Variants in HCN2 observed in about 807,000 individuals in gnomAD.
HCN2 encodes hyperpolarization activated cyclic nucleotide gated potassium and sodium channel 2.
Under a neutral mutation model 52.3 loss-of-function variants are expected in HCN2, and 20 were observed. The ratio of observed to expected loss-of-function variants is 0.38; its 90% CI spans 0.27 to 0.56. The LOEUF (loss-of-function observed/expected upper bound fraction) is 0.56, where lower values mean the gene tolerates loss of function less well. Among genes scored for constraint, HCN2 ranks in the 20% least tolerant of loss-of-function variants. The pLI is 0.71. For synonymous variants in HCN2, 694 were observed against 537.0 expected (o/e 1.29, Z -4.04); for missense variants, 981 against 1,207.7 (o/e 0.81, Z 2.78).
At chr19:593,496 T>C (rs1178415661) in intron 1 of HCN2, among the ~76,000 whole-genome samples, 1 of 152,186 alleles carries the variant, frequency 6.6e-6, no homozygotes, top group African/African-American at 2.4e-5. Context: ...GACGAGCGCC[T>C]GTAATCCCAG....
At chr19:599,847 CGT>C (rs34793549) in intron 1 of HCN2, among the ~76,000 whole-genome samples, 7,712 of 133,154 alleles carry the variant, frequency 0.058, 243 homozygotes, top group African/African-American at 0.098. Context: ...GAAGGGGTCC[CGT>C]GTGTGTGTGT....
Position 590,111 on chromosome 19 carries a change from C to A in HCN2, c.166C>A (p.Pro56Thr). Residue 56 changes from proline to threonine, a missense_variant, in exon 1 of 8, where the codon CCC becomes ACC. Physicochemically the swap from Pro to Thr is conservative, Grantham distance 38. Transcript: ENST00000251287. The surrounding 1 kb of genome is among the most constrained non-coding windows in gnomAD (Gnocchi z 7.2). ...GPGPAPPQHP[P>T]RAEALPPEAA... ...CGGGCCCGCGCCCCCCCAGCACCCG[C>A]CCCGGGCCGAGGCGTTGCCCCCGGA... 4.7e-6 allele frequency: 4 copies of A among 848,698 alleles called. No homozygotes were observed. Among genetic ancestry groups the A allele is most frequent in the Non-Finnish European group, 5.6e-6 (4 of 710,028 alleles). 52.6% of individuals were successfully genotyped at this position (848,698 alleles called of 1,614,324 possible).
chr19:607,684 G>A (rs1352832249), intron 3 of HCN2, among the ~76,000 whole-genome samples: 1 of 152,218 alleles, frequency 6.6e-6, no homozygotes, highest in East Asian at 1.9e-4. Context: ...TGATCTCAGA[G>A]GCTGCAAAAG....
Position 605,045 on chromosome 19 carries a change from C to T in HCN2, c.1057-16C>T, listed in dbSNP as rs371106197. The T allele has an allele frequency of 4.1e-5, 66 of 1,604,530 alleles. No homozygotes were observed. The African/African-American group carries it at 8.2e-4, about 20-fold the overall frequency. On this transcript the variant is annotated splice_polypyrimidine_tract_variant and intron_variant, in intron 2 of 7. Transcript: ENST00000251287. ...GGGGTCAGCGGGTAGGGTGGGCTCA[C>T]GGCGCCTTCCTGCAGATCTTCCACA... is the stretch of plus-strand genomic sequence containing the variant.
intron 7 of HCN2, among the ~76,000 whole-genome samples, chr19:614,710 A>T (rs1436815873): frequency 6.6e-6 from 1 of 151,694 alleles, no homozygotes; most frequent in Non-Finnish European, 1.5e-5. Context: ...AATCAGGAGC[A>T]TCAGGGAGCC....
rs1568368755 is a variant in HCN2, at chr19:613,642, GATGGGGATGGGGAT to G, written c.1825+155_1825+168del. On this transcript the variant is annotated intron_variant, in intron 6 of 7. Transcript: ENST00000251287. Reference sequence around the variant, plus strand: ...GGATGGGGATGGGGATGGGGCCGGGGATGGGGATGGGGATGGGGCCGGGGATGGGGATGGGGCCG... The same window carrying G: ...GGATGGGGATGGGGATGGGGCCGGGGGGGGCCGGGGATGGGGATGGGGCCG... Among the ~76,000 whole-genome samples, 132 of 60,650 alleles carry G rather than the reference GATGGGGATGGGGAT, an allele frequency of 2.2e-3. 5 individuals carry two copies. Among genetic ancestry groups the G allele is most frequent in the African/African-American group, 0.01 (123 of 11,904 alleles). The allele number at this position is 60,650 out of a possible 152,430, so 39.8% of individuals were successfully genotyped here. A position where few individuals can be genotyped will look rare whatever the true frequency, so the allele number is the denominator to read the frequency against.
chr19:600,563 T>G (rs2144511766), intron 1 of HCN2, among the ~76,000 whole-genome samples: 1 of 152,126 alleles, frequency 6.6e-6, no homozygotes, highest in East Asian at 1.9e-4. Context: ...GCCAGGCTGG[T>G]CCTGATCTCT....
rs761681143 is a variant in HCN2 at position 616,420 on chromosome 19, C to T, written c.2616C>T (p.Ala872=). Residue 872 remains alanine, a synonymous_variant, in exon 8 of 8, where the codon GCC becomes GCT. Transcript: ENST00000251287. ...GGGACTCGGCCTCACCCGGCGCCGCCGGCGGCCTGGACCCCCAGGACTCCG... is the reference window on the plus strand; with the variant it reads ...GGGACTCGGCCTCACCCGGCGCCGCTGGCGGCCTGGACCCCCAGGACTCCG... The part of the protein sequence containing the change: ...DRRDSASPGA[A]GGLDPQDSAR... 3.5e-5 allele frequency: 44 copies of T among 1,241,472 alleles called. No homozygotes were observed. The highest frequency in any genetic ancestry group is 4.2e-5 in the Non-Finnish European group (42 of 990,326). 76.9% of individuals were successfully genotyped at this position (1,241,472 alleles called of 1,614,324 possible). A position where few individuals can be genotyped will look rare whatever the true frequency, so the allele number is the denominator to read the frequency against.
At chr19:615,553 G>A (rs896891076) in intron 7 of HCN2, among the ~76,000 whole-genome samples, 1 of 152,240 alleles carries the variant, frequency 6.6e-6, no homozygotes, top group Non-Finnish European at 1.5e-5. Flanking sequence ...TCTGTATGCA[G>A]GTGCTTCATG....
chr19:609,497 G>A (rs1244513330), intron 4 of HCN2, among the ~76,000 whole-genome samples: 2 of 152,244 alleles, frequency 1.3e-5, no homozygotes, highest in Non-Finnish European at 2.9e-5. Flanking sequence ...CTGGTGCAGT[G>A]GCTCCTGCCT....
At position 617,153 on chromosome 19, in the gene HCN2, G is replaced by A. The variant is rs538185801; in HGVS notation, c.*679G>A. 2,134 of 1,044,208 alleles carry A rather than the reference G, an allele frequency of 2.0e-3. 6 individuals are homozygous for A. The highest frequency in any genetic ancestry group is 2.7e-3 in the Non-Finnish European group (1,874 of 694,234). The allele number at this position is 1,044,208 out of a possible 1,614,324, so 64.7% of individuals were successfully genotyped here. A position where few individuals can be genotyped will look rare whatever the true frequency, so the allele number is the denominator to read the frequency against. Reference sequence around the variant, plus strand: ...TTCCGCGCAATAAACGACAGCATTGGCGCCAAGCCTGGCCGCGTGTGATTG... The same window carrying A: ...TTCCGCGCAATAAACGACAGCATTGACGCCAAGCCTGGCCGCGTGTGATTG... On this transcript the variant is annotated 3_prime_UTR_variant, in exon 8 of 8. Coordinates refer to ENST00000251287, the MANE Select transcript of HCN2 (RefSeq NM_001194.4).
rs1184713061 is a variant in HCN2, at chr19:590,046, A to AGCC, written c.120_122dup (p.Pro41dup). ...CCGCCGCCCGCGCCCCCCCAACAGC[A>AGCC]GCCGCCGCCGCCGCCGCCGCCCGCG... On this transcript the variant is annotated inframe_insertion, in exon 1 of 8. Coordinates refer to ENST00000251287, the MANE Select transcript of HCN2 (RefSeq NM_001194.4). This position sits in a 1 kb window ranked among gnomAD's most constrained non-coding sequence, Gnocchi z 7.2. The AGCC allele has an allele frequency of 6.0e-5, 34 of 562,566 alleles. No homozygotes were observed. The highest frequency in any genetic ancestry group is 8.3e-5 in the South Asian group (1 of 12,082). The allele number at this position is 562,566 out of a possible 1,614,324, so 34.8% of individuals were successfully genotyped here.
Position 610,341 on chromosome 19 carries a change from G to A in HCN2, c.1520G>A (p.Arg507His), listed in dbSNP as rs948679757. ...RQKIHDYYEH[R>H]YQGKMFDEDS... ...AAGATCCACGACTACTATGAGCACC[G>A]TTACCAGGGCAAGATGTTTGACGAG... The change falls in exon 5 of 8, where the codon CGT becomes CAT. Residue 507 changes from arginine (R) to histidine (H), a missense_variant. By Grantham distance (29) the Arg-to-His change is conservative (BLOSUM62 0). Coordinates refer to ENST00000251287, the MANE Select transcript of HCN2 (RefSeq NM_001194.4). 1.9e-6 allele frequency: 3 copies of A among 1,613,808 alleles called. No homozygotes were observed. The highest frequency in any genetic ancestry group is 2.5e-6 in the Non-Finnish European group (3 of 1,179,798).
At chr19:593,355 G>A (rs1176628180) in intron 1 of HCN2, among the ~76,000 whole-genome samples, 1 of 152,218 alleles carries the variant, frequency 6.6e-6, no homozygotes, top group Non-Finnish European at 1.5e-5. Context: ...AGCGGCTCAC[G>A]CCTGAGATCC....
chr19:611,477 G>A (rs543293240), intron 5 of HCN2, among the ~76,000 whole-genome samples: 17 of 152,302 alleles, frequency 1.1e-4, no homozygotes, highest in African/African-American at 1.9e-4. Flanking sequence ...GCGAGGAGGC[G>A]GGCAGGACGG....
At position 616,494 on chromosome 19, in the gene HCN2, G is replaced by C. The variant is rs987654819; in HGVS notation, c.*20G>C. ...TTGTGACCCTCGCCGACCGCCCCGC[G>C]GGCCCAGGCGGGCCGGGGGCGGGGC... On this transcript the variant is annotated 3_prime_UTR_variant, in exon 8 of 8. Coordinates refer to ENST00000251287, the MANE Select transcript of HCN2 (RefSeq NM_001194.4). The C allele has an allele frequency of 4.2e-6, 5 of 1,204,104 alleles. No individual in the cohort carries two copies. The Admixed American group carries it at 1.9e-4, about 46-fold the overall frequency. 74.6% of individuals were successfully genotyped at this position (1,204,104 alleles called of 1,614,324 possible).
At chr19:596,451 C>A (rs1009075192) in intron 1 of HCN2, among the ~76,000 whole-genome samples, 2 of 152,228 alleles carry the variant, frequency 1.3e-5, no homozygotes, top group Admixed American at 6.5e-5. Context: ...TCCCGGCCTC[C>A]GGAGCTGGTC....
chr19:617,068 A>G lies in HCN2; in HGVS notation c.*594A>G. 3.5e-6 allele frequency: 2 copies of G among 578,908 alleles called. No homozygotes were observed. Among genetic ancestry groups the G allele is most frequent in the Non-Finnish European group, 6.2e-6 (2 of 322,632 alleles). 35.9% of individuals were successfully genotyped at this position (578,908 alleles called of 1,614,324 possible). On this transcript the variant is annotated 3_prime_UTR_variant, in exon 8 of 8. Transcript: ENST00000251287. Reference sequence around the variant, plus strand: ...CGCCGCCGTGATGAATGTACTGACGAGCCGAGGCAGCAGTGCCCCCACCGT... The same window carrying G: ...CGCCGCCGTGATGAATGTACTGACGGGCCGAGGCAGCAGTGCCCCCACCGT...
intron 1 of HCN2, among the ~76,000 whole-genome samples, chr19:599,525 A>G (rs1177044060): frequency 1.3e-5 from 2 of 152,046 alleles, no homozygotes; most frequent in East Asian, 1.9e-4. Context: ...CACGCCTGTA[A>G]TCCCAGCACT....
Sources: allele counts gnomAD v4.1 joint callset (sites outside exome capture counted in the v4.1 genomes callset), GRCh38; gene constraint gnomAD v4.1.1; non-coding constraint Gnocchi (gnomAD v3.1); transcripts MANE v1.5; gene names NCBI Gene and HGNC (gene_info 2026-07-23, HGNC 2026-07-21).